The following MCTP2 variants were observed in gnomAD, a reference collection of about 807,000 sequenced individuals.
MCTP2 encodes the protein multiple C2 and transmembrane domain-containing protein 2.
A neutral mutation model predicts 111.6 loss-of-function variants in MCTP2; 132 were observed. The observed-to-expected ratio is 1.18, with a 90% CI of 1.03 to 1.37. The LOEUF (loss-of-function observed/expected upper bound fraction) is 1.37. Among genes scored for constraint, MCTP2 ranks in the 40% most tolerant of loss-of-function variants. The pLI is 0.00. For synonymous variants in MCTP2, 395 were observed against 387.7 expected, an observed-to-expected ratio of 1.02 and a Z score of -0.22; for missense variants, 1,183 against 1,067.9, an observed-to-expected ratio of 1.11 and a Z score of -1.50.
chr15:94,245,686 A>G (rs867802736), intron 1 of MCTP2, among the ~76,000 whole-genome samples: 1 of 146,408 alleles, frequency 6.8e-6, no homozygotes, highest in Admixed American at 7.0e-5. Context: ...ATGTATGTGT[A>G]TACATATATA....
In MCTP2 at chr15:94,340,877, G is replaced by A. The variant is rs145490381; in HGVS notation, c.922G>A (p.Val308Met). The A allele has an allele frequency of 1.2e-4, 196 of 1,613,098 alleles. No individual in the cohort carries two copies. The highest frequency in any genetic ancestry group is 2.8e-4 in the Admixed American group (17 of 60,016). Residue 308 changes from valine (V) to methionine (M), a missense_variant, in exon 7 of 23, where the codon GTG becomes ATG. Val to Met is a conservative substitution (Grantham distance 21, BLOSUM62 1). Coordinates refer to ENST00000357742, the MANE Select transcript of MCTP2 (RefSeq NM_001385001.1). ...TTTAGAAGATGACATGGGAGTGATC[G>A]TGTTAAATTTGAACCTAGTGGTAAA... ...NSLEDDMGVI[V>M]LNLNLVVKQG...
At chr15:94,474,542 C>CT (rs1379955172) in intron 21 of MCTP2, among the ~76,000 whole-genome samples, 2 of 151,962 alleles carry the variant, frequency 1.3e-5, no homozygotes, top group Non-Finnish European at 1.5e-5. Context: ...ACGTCACAAC[C>CT]TTTTTTTTCT....
At chr15:94,331,036 G>A (rs1228495501) in intron 4 of MCTP2, among the ~76,000 whole-genome samples, 1 of 152,090 alleles carries the variant, frequency 6.6e-6, no homozygotes, top group African/African-American at 2.4e-5. Flanking sequence ...GCCCAGCCCA[G>A]GCATATGTTT....
intron 19 of MCTP2, 83 bp downstream of exon 19, chr15:94,443,043 CTCTCT>C (rs1438030685): frequency 1.5e-5 from 15 of 971,760 alleles, no homozygotes; most frequent in East Asian, 2.8e-5. Context: ...AGTCTCTCTC[CTCTCT>C]TTTTTTTTTT....
intron 1 of MCTP2, among the ~76,000 whole-genome samples, chr15:94,257,892 T>C (rs1451309431): frequency 1.3e-5 from 2 of 151,020 alleles, no homozygotes; most frequent in Non-Finnish European, 3.0e-5. Context: ...GCCCATTTTC[T>C]TTTTTAAGAT....
intron 7 of MCTP2, 137 bp from the exon 8 acceptor site, chr15:94,344,992 T>C: frequency 1.0e-6 from 1 of 998,772 alleles, no homozygotes; most frequent in Non-Finnish European, 1.5e-6. Flanking sequence ...ATGCTTTCTC[T>C]ATAACCTCAG....
At chr15:94,409,588 A>T (rs888344907) in intron 17 of MCTP2, among the ~76,000 whole-genome samples, 2 of 152,026 alleles carry the variant, frequency 1.3e-5, no homozygotes, top group Non-Finnish European at 2.9e-5. Context: ...ACTGAGCTTG[A>T]TCCAGATTTT....
At chr15:94,329,088 G>T (rs2077022080) in intron 4 of MCTP2, among the ~76,000 whole-genome samples, 1 of 152,088 alleles carries the variant, frequency 6.6e-6, no homozygotes, top group African/African-American at 2.4e-5. Flanking sequence ...ATGCAGCCTT[G>T]GAAGGAACAC....
At chr15:94,398,896 GT>G in intron 14 of MCTP2, 64 bp from the exon 15 acceptor site, 2 of 963,394 alleles carry the variant, frequency 2.1e-6, no homozygotes, top group Admixed American at 4.2e-5. Context: ...GTTAGTTTTG[GT>G]TATTTACTTT....
intron 1 of MCTP2, among the ~76,000 whole-genome samples, chr15:94,243,552 C>T (rs1356154404): frequency 1.4e-5 from 2 of 143,960 alleles, no homozygotes; most frequent in African/African-American, 2.6e-5. Context: ...CATACGTATG[C>T]GTATATGCGT....
chr15:94,403,386 T>G (rs1258259491), intron 17 of MCTP2: 2 of 291,160 alleles, frequency 6.9e-6, no homozygotes, highest in East Asian at 3.5e-4. Flanking sequence ...CGAATTCCCT[T>G]TCAAAACTTT....
At chr15:94,471,866 T>G (rs1410058516) in intron 21 of MCTP2, among the ~76,000 whole-genome samples, 2 of 152,342 alleles carry the variant, frequency 1.3e-5, no homozygotes, top group Admixed American at 1.3e-4. Context: ...ACTACTATCT[T>G]GTTTACTGAT....
chr15:94,260,337 T>G (rs557396673), intron 1 of MCTP2, among the ~76,000 whole-genome samples: 6 of 152,284 alleles, frequency 3.9e-5, no homozygotes, highest in Non-Finnish European at 7.4e-5. Context: ...CACTCAACTT[T>G]CTTGTTCAGC....
chr15:94,342,054 A>G (rs1200500797), intron 7 of MCTP2: 2 of 152,136 alleles, frequency 1.3e-5, no homozygotes, highest in Admixed American at 1.3e-4. Context: ...AGGTTATAGC[A>G]TGCAATGTAA....
intron 3 of MCTP2, chr15:94,314,814 C>T (rs1248500148): frequency 6.6e-6 from 3 of 452,888 alleles, no homozygotes; most frequent in African/African-American, 2.0e-5. Flanking sequence ...ACAATATGGC[C>T]AGCAGGAGTT....
chr15:94,253,735 T>C (rs1000864957), intron 1 of MCTP2, among the ~76,000 whole-genome samples: 9 of 102,002 alleles, frequency 8.8e-5, no homozygotes, highest in African/African-American at 2.4e-4. Flanking sequence ...AAGTCTCTCT[T>C]TTTTTTTTTA....
rs200046820 is a variant in MCTP2 at position 94,268,183 on chromosome 15, TC to T, written c.-65-30017del. ...GCCCGGCCCAAATTCATTCTTTCTT[TC>T]TTTTTTTTTTTTTTGAGACAGAGTT... On this transcript the variant is annotated intron_variant, in intron 1 of 22. Coordinates refer to ENST00000357742, the MANE Select transcript of MCTP2 (RefSeq NM_001385001.1). 4.3e-4 allele frequency among the ~76,000 whole-genome samples: 60 copies of T among 140,096 alleles called. 5 individuals carry two copies. Among genetic ancestry groups the T allele is most frequent in the Middle Eastern group, 3.6e-3 (1 of 278 alleles). 91.9% of individuals were successfully genotyped at this position (140,096 alleles called of 152,430 possible).
intron 22 of MCTP2, among the ~76,000 whole-genome samples, chr15:94,477,636 G>A (rs962599668): frequency 2.6e-5 from 4 of 152,098 alleles, no homozygotes; most frequent in Non-Finnish European, 5.9e-5. Context: ...ATCAAATATC[G>A]ATTTTCATAT....
chr15:94,265,996 G>A (rs1422586887), intron 1 of MCTP2, among the ~76,000 whole-genome samples: 1 of 152,182 alleles, frequency 6.6e-6, no homozygotes, highest in Non-Finnish European at 1.5e-5. Flanking sequence ...TGCTTTGCAA[G>A]ATTCTTTTTT....
Sources: gnomAD v4.1 joint callset for allele counts (sites outside exome capture counted in the v4.1 genomes callset) on GRCh38, gnomAD v4.1.1 for gene constraint, MANE v1.5 for transcripts, NCBI Gene and HGNC (gene_info 2026-07-23, HGNC 2026-07-21) for gene names.